Variants in PCBD2 observed in about 807,000 individuals in gnomAD.
PCBD2 encodes the protein pterin-4-alpha-carbinolamine dehydratase 2.
PCBD2 carries 12 observed loss-of-function variants against 16.4 expected under a neutral mutation model. That is an observed-to-expected ratio of 0.73 (90% CI 0.47 to 1.19). The LOEUF (loss-of-function observed/expected upper bound fraction) is 1.19, where lower values mean the gene tolerates loss of function less well. Ranked by LOEUF, PCBD2 falls within the 50% of genes most tolerant of loss-of-function variation. The pLI, the probability that PCBD2 is intolerant of heterozygous loss-of-function variation, is 0.00. For missense variants in PCBD2, 138 were observed against 156.8 expected (o/e 0.88, Z 0.64); for synonymous variants, 58 against 61.8 (o/e 0.94, Z 0.29).
chr5:134,957,143 A>AT (rs1751423526), intron 2 of PCBD2, among the ~76,000 whole-genome samples: 1 of 152,126 alleles, frequency 6.6e-6, no homozygotes, highest in Admixed American at 6.5e-5. Flanking sequence ...GGTGCCTGTA[A>AT]TCCCAGCTGC....
chr5:134,914,238 T>C (rs1750801305), intron 2 of PCBD2, among the ~76,000 whole-genome samples: 1 of 152,150 alleles, frequency 6.6e-6, no homozygotes, highest in African/African-American at 2.4e-5. Context: ...CTCTCCTGAT[T>C]GCTTTTGTTT....
At position 134,960,596 on chromosome 5, in the gene PCBD2, C is replaced by T. The variant is rs1007461496; in HGVS notation, c.308C>T (p.Thr103Ile). The change falls in exon 4 of 4, where the codon ACT becomes ATT. Residue 103 changes from threonine to isoleucine, a missense_variant. Physicochemically the swap from Thr to Ile is moderately conservative, Grantham distance 89 (BLOSUM62 -1). Transcript: ENST00000254908. ...WFNVYNKVQI[T>I]LTSHDCGELT... ...TTTTCTTTTTCTTAGGTCCAGATAACTCTCACCTCACATGACTGTGGTGAA... is the reference window on the plus strand; with the variant it reads ...TTTTCTTTTTCTTAGGTCCAGATAATTCTCACCTCACATGACTGTGGTGAA... 1 of 1,608,850 alleles carries T rather than the reference C, an allele frequency of 6.2e-7. No individual in the cohort carries two copies. The highest frequency in any genetic ancestry group is 1.7e-5 in the Admixed American group (1 of 59,576).
intron 2 of PCBD2, among the ~76,000 whole-genome samples, chr5:134,914,919 C>T (rs892038172): frequency 3.3e-5 from 5 of 152,082 alleles, no homozygotes; most frequent in Admixed American, 6.5e-5. Flanking sequence ...GTGATCTGCC[C>T]GCCTCGGCCT....
chr5:134,938,525 T>C (rs768752701), intron 2 of PCBD2, among the ~76,000 whole-genome samples: 4 of 152,202 alleles, frequency 2.6e-5, no homozygotes, highest in Non-Finnish European at 4.4e-5. Context: ...GAAGAGTCTG[T>C]GTGCTTGGGA....
chr5:134,956,088 G>A (rs989707799), intron 2 of PCBD2, among the ~76,000 whole-genome samples: 1 of 152,164 alleles, frequency 6.6e-6, no homozygotes, highest in African/African-American at 2.4e-5. Flanking sequence ...TCTGTTATAT[G>A]GAAGAAGGAT....
rs1410746615 is a variant in PCBD2 at position 134,930,101 on chromosome 5, G to T, written c.216+19635G>T. Among the ~76,000 whole-genome samples, 3 of 152,204 alleles carry T rather than the reference G, an allele frequency of 2.0e-5. No homozygotes were observed. In the East Asian group the frequency reaches 5.8e-4, roughly 29 times the overall value. ...CTGAAGCCCAGGGGTAATGTAGTTT[G>T]CCCAGGGTGACAACGAACTAGTGGC... On this transcript the variant is annotated intron_variant, in intron 2 of 3. Transcript: ENST00000254908.
At chr5:134,941,529 A>C (rs1421293586) in intron 2 of PCBD2, among the ~76,000 whole-genome samples, 1 of 152,224 alleles carries the variant, frequency 6.6e-6, no homozygotes, top group East Asian at 1.9e-4. Context: ...TGGCTTTTAA[A>C]AGATATATTT....
intron 2 of PCBD2, among the ~76,000 whole-genome samples, chr5:134,930,127 A>C (rs916787045): frequency 4.1e-4 from 62 of 152,348 alleles, no homozygotes; most frequent in African/African-American, 1.5e-3. Flanking sequence ...AACTAGTGGC[A>C]AAGTTAGGAC....
intron 3 of PCBD2, 93 bp downstream of exon 3, chr5:134,959,213 T>TGCAGCTAAAAGGATAAG: frequency 1.1e-6 from 1 of 929,796 alleles, no homozygotes. Flanking sequence ...AATGTCATTG[T>TGCAGCTAAAAGGATAAG]ACTTAAGAAA....
intron 2 of PCBD2, among the ~76,000 whole-genome samples, chr5:134,947,110 G>T (rs6890079): frequency 0.042 from 5,960 of 141,816 alleles, 240 homozygotes; most frequent in African/African-American, 0.11. Flanking sequence ...TTTTTTTTTT[G>T]AGATGGAGTT....
At chr5:134,956,870 G>A (rs908666492) in intron 2 of PCBD2, among the ~76,000 whole-genome samples, 1 of 152,190 alleles carries the variant, frequency 6.6e-6, no homozygotes, top group East Asian at 1.9e-4. Context: ...CTCTTATTCT[G>A]TACCAAGTGC....
intron 2 of PCBD2, among the ~76,000 whole-genome samples, chr5:134,942,930 C>T (rs977502976): frequency 6.6e-6 from 1 of 152,124 alleles, no homozygotes; most frequent in Non-Finnish European, 1.5e-5. Context: ...TGTCTTATTC[C>T]TTTGCAAATC....
intron 2 of PCBD2, among the ~76,000 whole-genome samples, chr5:134,911,960 C>T (rs1421917156): frequency 6.6e-6 from 1 of 152,232 alleles, no homozygotes; most frequent in Non-Finnish European, 1.5e-5. Context: ...TACAGCTTGA[C>T]TTCTTTAAAC....
chr5:134,917,419 C>T (rs899240766), intron 2 of PCBD2, among the ~76,000 whole-genome samples: 3 of 152,158 alleles, frequency 2.0e-5, no homozygotes, highest in Admixed American at 6.5e-5. Context: ...AGTGGCTGGG[C>T]GCTTGGGTGA....
At position 134,907,830 on chromosome 5, in the gene PCBD2, G is replaced by A. The variant is rs6868683; in HGVS notation, c.85-2505G>A. The stretch of plus-strand genomic sequence containing the variant: ...GTAGAGATGGGGTTTCACCATCTTG[G>A]CCAGGCTGGTCTTGAACTCCTGCCC... On this transcript the variant is annotated intron_variant, in intron 1 of 3. Transcript: ENST00000254908. 5.6e-3 allele frequency among the ~76,000 whole-genome samples: 854 copies of A among 151,418 alleles called. 9 individuals are homozygous for A. Among genetic ancestry groups the A allele is most frequent in the African/African-American group, 0.019 (799 of 41,222 alleles).
rs1751447253 is a variant in PCBD2, at chr5:134,959,232, C to T, written c.297+112C>T. The T allele has an allele frequency of 9.1e-6, 7 of 768,338 alleles. 1 individual carries two copies. Among genetic ancestry groups the T allele is most frequent in the Non-Finnish European group, 1.4e-5 (7 of 487,954 alleles). 47.6% of individuals were successfully genotyped at this position (768,338 alleles called of 1,614,324 possible). A position where few individuals can be genotyped will look rare whatever the true frequency, so the allele number is the denominator to read the frequency against. On this transcript the variant is annotated intron_variant, in intron 3 of 3. Transcript: ENST00000254908. ...TCATTGTACTTAAGAAAGTCTTATC[C>T]TTTCTCTCAGAATCCCTGTGTATTA...
At chr5:134,921,822 C>T (rs1750907056) in intron 2 of PCBD2, among the ~76,000 whole-genome samples, 1 of 152,208 alleles carries the variant, frequency 6.6e-6, no homozygotes, top group South Asian at 2.1e-4. Context: ...CTGGTAGGAG[C>T]TTCCTGGCCA....
intron 2 of PCBD2, chr5:134,928,466 G>A (rs1220589277): frequency 9.2e-6 from 3 of 326,352 alleles, no homozygotes; most frequent in African/African-American, 4.2e-5. Context: ...TAATAAGAGG[G>A]ACGATGTGAC....
intron 2 of PCBD2, among the ~76,000 whole-genome samples, chr5:134,954,229 G>A (rs1751390932): frequency 6.6e-6 from 1 of 152,160 alleles, no homozygotes; most frequent in Admixed American, 6.5e-5. Flanking sequence ...CCAAAGCGCT[G>A]GGATTACAGG....
Sources: allele counts gnomAD v4.1 joint callset (sites outside exome capture counted in the v4.1 genomes callset), GRCh38; gene constraint gnomAD v4.1.1; transcripts MANE v1.5; gene names NCBI Gene and HGNC (gene_info 2026-07-23, HGNC 2026-07-21).